Variants in ERAP1 observed in about 807,000 individuals in gnomAD.
The protein encoded by ERAP1 is adipocyte-derived leucine aminopeptidase.
Under a neutral mutation model 103.7 loss-of-function variants are expected in ERAP1, and 86 were observed. The observed-to-expected ratio is 0.83, with a 90% CI of 0.70 to 0.99. The LOEUF is 0.99. Among genes scored for constraint, ERAP1 ranks in the 50% least tolerant of loss-of-function variants. ERAP1 has a pLI of 0.00. For synonymous variants in ERAP1, 398 were observed against 402.4 expected (o/e 0.99, Z 0.13); for missense variants, 1,009 against 1,128.4 (o/e 0.89, Z 1.52).
the ERAP1 span, among the ~76,000 whole-genome samples, chr5:96,888,773 C>G: frequency 6.6e-6 from 1 of 152,168 alleles, no homozygotes; most frequent in South Asian, 2.1e-4. Flanking sequence ...TTCTTCATGG[C>G]TTCCCACATA....
downstream of ERAP1, chr5:96,771,533 C>T: frequency 4.3e-6 from 3 of 704,670 alleles, no homozygotes; most frequent in South Asian, 4.0e-5. Context: ...AAAGGACCAT[C>T]TTATTTTTCC....
chr5:96,906,475 C>T, the ERAP1 span, among the ~76,000 whole-genome samples: 3 of 152,098 alleles, frequency 2.0e-5, no homozygotes, highest in African/African-American at 2.4e-5. Flanking sequence ...CCTATGTTGT[C>T]CAGGCTGGTC....
chr5:96,848,644 G>A, the ERAP1 span: 37 of 152,120 alleles, frequency 2.4e-4, no homozygotes, highest in African/African-American at 8.9e-4. Flanking sequence ...TAATTGAAAA[G>A]TTTCCCATCA....
At chr5:96,841,621 C>G in the ERAP1 span, among the ~76,000 whole-genome samples, 6 of 152,214 alleles carry the variant, frequency 3.9e-5, no homozygotes, top group South Asian at 2.1e-4. Flanking sequence ...CTAGCTAACC[C>G]AGAGAAGTAA....
At chr5:96,842,902 T>G in the ERAP1 span, among the ~76,000 whole-genome samples, 1 of 152,230 alleles carries the variant, frequency 6.6e-6, no homozygotes, top group Non-Finnish European at 1.5e-5. Context: ...TTCTAGAAAT[T>G]TTATGATTTC....
the ERAP1 span, among the ~76,000 whole-genome samples, chr5:96,927,409 C>A: frequency 2.0e-5 from 3 of 152,176 alleles, no homozygotes; most frequent in Non-Finnish European, 2.9e-5. Flanking sequence ...TGACTAATGA[C>A]ACTGAACAGC....
the ERAP1 span, among the ~76,000 whole-genome samples, chr5:96,932,254 G>A: frequency 2.6e-5 from 4 of 152,176 alleles, no homozygotes; most frequent in African/African-American, 9.7e-5. Context: ...GCCTTGCCCT[G>A]GCGGGAAGCA....
At chr5:96,874,136 G>GAGAGAGAAAGAAAGAA in the ERAP1 span, among the ~76,000 whole-genome samples, 7 of 118,884 alleles carry the variant, frequency 5.9e-5, no homozygotes, top group Admixed American at 1.8e-4. Context: ...GAAAGAGAGA[G>GAGAGAGAAAGAAAGAA]AGAAAGAAAG....
chr5:96,781,139 A>G lies in ERAP1; in HGVS notation c.2507T>C (p.Leu836Pro), dbSNP rs1243787238. 3 of 1,613,578 alleles carry G rather than the reference A, an allele frequency of 1.9e-6. No homozygotes were observed. The highest frequency in any genetic ancestry group is 2.5e-6 in the Non-Finnish European group (3 of 1,179,926). The change falls in exon 17 of 19, where the codon CTT (leucine) becomes CCT (proline). Residue 836 changes from leucine to proline, a missense_variant. Leu to Pro is a moderately conservative substitution (Grantham distance 98, BLOSUM62 -3). This residue lies in a region of ERAP1 where 611 missense variants were observed against 651.7 expected (regional missense o/e 0.94). Coordinates refer to ENST00000443439, the MANE Select transcript of ERAP1 (RefSeq NM_001040458.3). Reference protein sequence around the residue: ...KIKTQEFPQILTLIGRNPVGY... With the variant: ...KIKTQEFPQIPTLIGRNPVGY... ...TACTGGGTTCCTGCCAATGAGTGTA[A>G]GAATTTGTGGAAACTCCTGAGTTTT...
chr5:96,899,624 T>C, the ERAP1 span, among the ~76,000 whole-genome samples: 1 of 152,178 alleles, frequency 6.6e-6, no homozygotes, highest in Non-Finnish European at 1.5e-5. Flanking sequence ...GTTCGAAATA[T>C]TGTACACTCA....
the ERAP1 span, among the ~76,000 whole-genome samples, chr5:96,920,043 G>C: frequency 6.6e-6 from 1 of 152,170 alleles, no homozygotes; most frequent in Non-Finnish European, 1.5e-5. Context: ...CAAGTGTGGC[G>C]GCTCATGCAG....
exon 20 of ERAP1, chr5:96,761,961 G>A (rs1159149762): frequency 1.0e-5 from 2 of 190,778 alleles, no homozygotes; most frequent in African/African-American, 2.3e-5. Flanking sequence ...AATTTTAAAA[G>A]AGCTGAAAAC....
At chr5:96,828,611 G>C in the ERAP1 span, among the ~76,000 whole-genome samples, 1 of 152,106 alleles carries the variant, frequency 6.6e-6, no homozygotes, top group African/African-American at 2.4e-5. Flanking sequence ...AATTACCAGG[G>C]TAAAAAGAGT....
chr5:96,853,672 A>T, the ERAP1 span, among the ~76,000 whole-genome samples: 1 of 151,748 alleles, frequency 6.6e-6, no homozygotes, highest in Admixed American at 6.6e-5. Context: ...AAAAGGCAAA[A>T]CTCATTTTGC....
At chr5:96,777,331 A>G (rs1163557197) in intron 18 of ERAP1, among the ~76,000 whole-genome samples, 1 of 152,110 alleles carries the variant, frequency 6.6e-6, no homozygotes, top group Non-Finnish European at 1.5e-5. Context: ...TAATCCATCA[A>G]TTTTTGATTT....
At chr5:96,876,302 A>T in the ERAP1 span, 2 of 152,388 alleles carry the variant, frequency 1.3e-5, no homozygotes, top group Non-Finnish European at 2.9e-5. Flanking sequence ...CTTTCTTTCC[A>T]TGGTTTGGCT....
intron 3 of ERAP1, among the ~76,000 whole-genome samples, chr5:96,800,280 C>T (rs1261253630): frequency 1.3e-5 from 2 of 152,232 alleles, no homozygotes; most frequent in South Asian, 2.1e-4. Context: ...ATGCTGTCCA[C>T]ATCCGCATTG....
At chr5:96,926,557 C>T in the ERAP1 span, among the ~76,000 whole-genome samples, 2 of 152,250 alleles carry the variant, frequency 1.3e-5, no homozygotes, top group Admixed American at 6.5e-5. Flanking sequence ...TGGAATGATA[C>T]AATACATTTC....
the ERAP1 span, among the ~76,000 whole-genome samples, chr5:96,836,880 C>A: frequency 2.6e-5 from 4 of 152,054 alleles, no homozygotes; most frequent in East Asian, 7.7e-4. Context: ...AATTGGGTAT[C>A]AATAAAAATT....
Sources: allele counts gnomAD v4.1 joint callset (sites outside exome capture counted in the v4.1 genomes callset), GRCh38; gene constraint gnomAD v4.1.1; regional missense constraint gnomAD v4.1.1; transcripts MANE v1.5; gene names NCBI Gene and HGNC (gene_info 2026-07-23, HGNC 2026-07-21).